MFSD12: variants seen among roughly 807,000 people sequenced by gnomAD.
The protein encoded by MFSD12 is major facilitator superfamily domain containing 12.
A neutral mutation model predicts 51.2 loss-of-function variants in MFSD12; 67 were observed. That is an observed-to-expected ratio of 1.31 (90% CI 1.08 to 1.60). MFSD12 has a LOEUF of 1.60. Among genes scored for constraint, MFSD12 ranks in the 40% most tolerant of loss-of-function variants. MFSD12 has a pLI of 0.00. For missense variants in MFSD12, 921 were observed against 673.0 expected (o/e 1.37, Z -4.08); for synonymous variants, 441 against 316.7 (o/e 1.39, Z -4.17).
chr19:3,546,444 G>C lies in MFSD12; in HGVS notation c.1024-19C>G, dbSNP rs187857504. 1.3e-6 allele frequency: 2 copies of C among 1,592,760 alleles called. No homozygotes were observed. Among genetic ancestry groups the C allele is most frequent in the Admixed American group, 1.7e-5 (1 of 57,224 alleles). On this transcript the variant is annotated intron_variant, in intron 6 of 9. Coordinates refer to ENST00000355415, the MANE Select transcript of MFSD12 (RefSeq NM_174983.5). ...AGGTCATCTGCAGGGACAGCCCCGG[G>C]GTCAGGCCCACACCACTGGGTGCCC...
Position 3,548,143 on chromosome 19 carries a change from G to A in MFSD12, c.634C>T (p.Gln212Ter), listed in dbSNP as rs1297052421. 8.1e-6 allele frequency: 13 copies of A among 1,607,000 alleles called. No homozygotes were observed. Among genetic ancestry groups the A allele is most frequent in the Non-Finnish European group, 1.1e-5 (13 of 1,178,594 alleles). ...DISISDQLGG[Q>*]DVPVFRNLSL... Reference sequence around the variant, plus strand: ...CTCACCCGGAACACGGGCACGTCCTGGCCCCCCAGCTGGTCGCTGATGCTG... The same window carrying A: ...CTCACCCGGAACACGGGCACGTCCTAGCCCCCCAGCTGGTCGCTGATGCTG... The change falls in exon 3 of 10, where the codon CAG (glutamine) becomes TAG (stop). Residue 212 changes from glutamine to a stop codon, truncating the protein, a stop_gained. Coordinates refer to ENST00000355415, the MANE Select transcript of MFSD12 (RefSeq NM_174983.5). LOFTEE classifies it high-confidence loss of function.
chr19:3,545,820 C>T (rs1288396626), intron 8 of MFSD12, among the ~76,000 whole-genome samples: 1 of 152,226 alleles, frequency 6.6e-6, no homozygotes, highest in Non-Finnish European at 1.5e-5. Flanking sequence ...GGCTCCCTTC[C>T]AGCTGGGCCC....
At position 3,545,971 on chromosome 19, in the gene MFSD12, T is replaced by C. The variant is rs1273229385; in HGVS notation, c.1289+103A>G. The C allele has an allele frequency of 9.7e-6, 12 of 1,241,930 alleles. No individual in the cohort carries two copies. The East Asian group carries it at 2.1e-4, about 22-fold the overall frequency. 76.9% of individuals were successfully genotyped at this position (1,241,930 alleles called of 1,614,324 possible). A position where few individuals can be genotyped will look rare whatever the true frequency, so the allele number is the denominator to read the frequency against. On this transcript the variant is annotated intron_variant, in intron 8 of 9. Coordinates refer to ENST00000355415, the MANE Select transcript of MFSD12 (RefSeq NM_174983.5). The stretch of plus-strand genomic sequence containing the variant: ...CTCCCATTGGGGCAGGTGTCTTTGG[T>C]CCACAGCTGGATGCCCAGACCCAGA...
intron 8 of MFSD12, among the ~76,000 whole-genome samples, 172 bp from the exon 9 acceptor site, chr19:3,545,111 C>T (rs2030876497): frequency 6.6e-6 from 1 of 152,170 alleles, no homozygotes; most frequent in African/African-American, 2.4e-5. Context: ...TCGGCCAGTC[C>T]TGTGGGCCCT....
chr19:3,542,789 TC>T (rs1568249158), downstream of MFSD12: 2 of 1,368,752 alleles, frequency 1.5e-6, no homozygotes, highest in African/African-American at 1.5e-5. Context: ...GCCTAGTGGG[TC>T]CCCCAGTCTT....
intron 1 of MFSD12, among the ~76,000 whole-genome samples, chr19:3,554,450 C>CAAA (rs1187548758): frequency 4.2e-5 from 3 of 71,792 alleles, no homozygotes; most frequent in Non-Finnish European, 6.2e-5. Flanking sequence ...AACAACAAAA[C>CAAA]AAAAAAAAAA....
rs1487714394 is a variant in MFSD12, at chr19:3,551,921, T to C, written c.299-727A>G. 6.6e-6 allele frequency among the ~76,000 whole-genome samples: 1 copy of C among 152,148 alleles called. No homozygotes were observed. The highest frequency in any genetic ancestry group is 2.4e-5 in the African/African-American group (1 of 41,436). ...GCCAGGCGGTCCTGCCCCCGGGCCT[T>C]TGCATGGGCGTGCCTCTGCCTAGAG... On this transcript the variant is annotated intron_variant, in intron 1 of 9. Coordinates refer to ENST00000355415, the MANE Select transcript of MFSD12 (RefSeq NM_174983.5). This position sits in a 1 kb window ranked among gnomAD's most constrained non-coding sequence, Gnocchi z 4.6.
Position 3,547,343 on chromosome 19 carries a change from G to C in MFSD12, c.952C>G (p.Leu318Val). Residue 318 changes from leucine (L) to valine (V), a missense_variant, in exon 6 of 10, where the codon CTG becomes GTG. Coordinates refer to ENST00000355415, the MANE Select transcript of MFSD12 (RefSeq NM_174983.5). ...AAGAAGCCGCTGAGGTACATCACCA[G>C]GGGAATGGTCGCGATGAACTTCTGC... ...LPKKFIATIP[L>V]VMYLSGFLSS... The C allele has an allele frequency of 6.2e-7, 1 of 1,613,346 alleles. No homozygotes were observed. Among genetic ancestry groups the C allele is most frequent in the Non-Finnish European group, 8.5e-7 (1 of 1,179,964 alleles).
At position 3,548,227 on chromosome 19, in the gene MFSD12, C is replaced by G; in HGVS notation, c.550G>C (p.Ala184Pro). The G allele has an allele frequency of 6.4e-7, 1 of 1,553,130 alleles. No homozygotes were observed. The highest frequency in any genetic ancestry group is 8.7e-7 in the Non-Finnish European group (1 of 1,149,342). ...TVVANITVYGAAWLLLHLQGS... is the reference protein window; with the variant it reads ...TVVANITVYGPAWLLLHLQGS... ...TGCAGGTGCAGCAGGAGCCAGGCGG[C>G]GCCGTAGACGGTGATGTTGGCCACC... The change falls in exon 3 of 10, where the codon GCC becomes CCC. Residue 184 changes from alanine to proline, a missense_variant. By Grantham distance (27) the Ala-to-Pro change is conservative (BLOSUM62 -1). Coordinates refer to ENST00000355415, the MANE Select transcript of MFSD12 (RefSeq NM_174983.5).
chr19:3,542,577 G>C (rs892923891), downstream of MFSD12: 5 of 776,292 alleles, frequency 6.4e-6, no homozygotes, highest in African/African-American at 5.7e-5. Flanking sequence ...GGGTTCAAGC[G>C]ATTCTCCTGC....
At chr19:3,545,206 G>A (rs750774907) in intron 8 of MFSD12, among the ~76,000 whole-genome samples, 5 of 152,058 alleles carry the variant, frequency 3.3e-5, no homozygotes, top group East Asian at 1.9e-4. Context: ...GCCTGCACCC[G>A]CCCCGGTCCC....
In MFSD12 at chr19:3,551,509, C is replaced by T. The variant is rs556291847; in HGVS notation, c.299-315G>A. On this transcript the variant is annotated intron_variant, in intron 1 of 9. Transcript: ENST00000355415. The surrounding 1 kb of genome is among the most constrained non-coding windows in gnomAD (Gnocchi z 4.6). ...GCCGCAGCCTCCCCCAGCTCCTCCC[C>T]CTCGGCCACTATCAAGCCTCCCATA... 4.5e-3 allele frequency among the ~76,000 whole-genome samples: 684 copies of T among 152,292 alleles called. 3 individuals are homozygous for T. Among genetic ancestry groups the T allele is most frequent in the Middle Eastern group, 0.031 (9 of 294 alleles).
intron 2 of MFSD12, among the ~76,000 whole-genome samples, chr19:3,550,633 G>A (rs972619833): frequency 2.0e-5 from 3 of 151,316 alleles, no homozygotes; most frequent in Non-Finnish European, 4.4e-5. Context: ...CTCGTGATCT[G>A]CCCACCTCGG....
intron 8 of MFSD12, 131 bp from the exon 9 acceptor site, chr19:3,545,070 A>C (rs1341870023): frequency 9.4e-6 from 11 of 1,176,238 alleles, no homozygotes; most frequent in South Asian, 3.1e-5. Flanking sequence ...GGGCCCTGCC[A>C]CTCCCTCCCT....
At chr19:3,544,074 C>A, downstream of MFSD12, 2 of 1,464,374 alleles carry the variant, frequency 1.4e-6, no homozygotes, top group Non-Finnish European at 1.8e-6. Flanking sequence ...AACCTAGTCC[C>A]AGGGGACCAG....
chr19:3,540,744 T>C (rs2122075476), downstream of MFSD12, among the ~76,000 whole-genome samples: 1 of 151,182 alleles, frequency 6.6e-6, no homozygotes, highest in South Asian at 2.1e-4. Context: ...CCGGGAATGG[T>C]GGCTCATGCC....
chr19:3,551,731 A>T lies in MFSD12; in HGVS notation c.299-537T>A, dbSNP rs1392958878. Among the ~76,000 whole-genome samples the T allele has an allele frequency of 6.6e-6, 1 of 152,114 alleles. No individual in the cohort carries two copies. Among genetic ancestry groups the T allele is most frequent in the Non-Finnish European group, 1.5e-5 (1 of 68,002 alleles). ...CTGGCTCTTCACATCCTCAGAAGAA[A>T]ACCCCTAAGATACCCTGGAACAAAT... is the stretch of plus-strand genomic sequence containing the variant. On this transcript the variant is annotated intron_variant, in intron 1 of 9. Transcript: ENST00000355415. The surrounding 1 kb of genome is among the most constrained non-coding windows in gnomAD (Gnocchi z 4.6).
intron 2 of MFSD12, among the ~76,000 whole-genome samples, chr19:3,550,259 T>C (rs1599835149): frequency 6.6e-6 from 1 of 151,432 alleles, no homozygotes; most frequent in Admixed American, 6.6e-5. Context: ...AGAGGAGAAA[T>C]GTGTGATGGC....
intron 4 of MFSD12, chr19:3,539,102 G>T (rs2030135457): frequency 2.0e-6 from 2 of 981,452 alleles, no homozygotes; most frequent in Admixed American, 4.2e-5. Flanking sequence ...TGGTTGCCGA[G>T]ACACTGGGTG....
Sources: allele counts gnomAD v4.1 joint callset (sites outside exome capture counted in the v4.1 genomes callset), GRCh38; gene constraint gnomAD v4.1.1; non-coding constraint Gnocchi (gnomAD v3.1); transcripts MANE v1.5; gene names NCBI Gene and HGNC (gene_info 2026-07-23, HGNC 2026-07-21).